PPM1L: variants seen among roughly 807,000 people sequenced by gnomAD.
PPM1L encodes the protein protein phosphatase 1L.
Under a neutral mutation model 31.4 loss-of-function variants are expected in PPM1L, and 13 were observed. The observed-to-expected ratio is 0.41, with a 90% confidence interval of 0.27 to 0.66. The LOEUF (loss-of-function observed/expected upper bound fraction) is 0.66, where lower values mean the gene tolerates loss of function less well. Among genes scored for constraint, PPM1L ranks in the 30% least tolerant of loss-of-function variants. The pLI is 0.29. For synonymous variants in PPM1L, 184 were observed against 175.4 expected (o/e 1.05, Z -0.39); for missense variants, 326 against 453.7 (o/e 0.72, Z 2.56).
At chr3:160,823,286 A>T (rs541297407) in intron 1 of PPM1L, among the ~76,000 whole-genome samples, 1 of 151,986 alleles carries the variant, frequency 6.6e-6, no homozygotes, top group African/African-American at 2.4e-5. Flanking sequence ...GTAGTGAGAG[A>T]ATTTTCAAAA....
chr3:161,062,535 T>G (rs1196798858), intron 2 of PPM1L, among the ~76,000 whole-genome samples: 1 of 152,210 alleles, frequency 6.6e-6, no homozygotes, highest in Non-Finnish European at 1.5e-5. Flanking sequence ...CTGCTCCCAA[T>G]TTGTCTATCT....
chr3:160,966,687 T>C (rs1181918458), intron 2 of PPM1L, among the ~76,000 whole-genome samples: 6 of 152,210 alleles, frequency 3.9e-5, no homozygotes, highest in Non-Finnish European at 8.8e-5. Context: ...GAGTTTAGAA[T>C]TGAAATGAGA....
At chr3:160,985,269 C>T (rs1716929020) in intron 2 of PPM1L, among the ~76,000 whole-genome samples, 1 of 152,188 alleles carries the variant, frequency 6.6e-6, no homozygotes, top group Admixed American at 6.5e-5. Context: ...GCAGTGTACA[C>T]TGTACCCAAT....
chr3:160,923,009 T>C (rs1714465546), intron 1 of PPM1L, among the ~76,000 whole-genome samples: 1 of 152,096 alleles, frequency 6.6e-6, no homozygotes, highest in African/African-American at 2.4e-5. Flanking sequence ...TTTTCTGGAG[T>C]GAAACTAATG....
At chr3:160,837,405 T>C (rs1264311462) in intron 1 of PPM1L, among the ~76,000 whole-genome samples, 1 of 152,232 alleles carries the variant, frequency 6.6e-6, no homozygotes, top group African/African-American at 2.4e-5. Flanking sequence ...TAAAGACAGA[T>C]AAATGAATTT....
At chr3:160,996,317 A>G (rs1333980397) in intron 2 of PPM1L, among the ~76,000 whole-genome samples, 1 of 152,210 alleles carries the variant, frequency 6.6e-6, no homozygotes, top group Non-Finnish European at 1.5e-5. Flanking sequence ...AGAAGTCATT[A>G]TACGAAAAAG....
At chr3:160,960,558 TTG>T (rs59297068) in intron 1 of PPM1L, among the ~76,000 whole-genome samples, 14,926 of 145,086 alleles carry the variant, frequency 0.1, 788 homozygotes, top group East Asian at 0.18. Context: ...TTTAGCAGTT[TTG>T]TGTGTGTGTG....
At chr3:160,757,869 A>G (rs1434031577) in intron 1 of PPM1L, among the ~76,000 whole-genome samples, 1 of 152,048 alleles carries the variant, frequency 6.6e-6, no homozygotes, top group Non-Finnish European at 1.5e-5. Context: ...AACTGCAGGG[A>G]CTGCCATTCT....
At chr3:160,836,590 T>C (rs1713723380) in intron 1 of PPM1L, among the ~76,000 whole-genome samples, 1 of 152,226 alleles carries the variant, frequency 6.6e-6, no homozygotes, top group Non-Finnish European at 1.5e-5. Context: ...AGTTACGTGA[T>C]TTACTCATGG....
chr3:160,945,747 G>A (rs147169444), intron 1 of PPM1L, among the ~76,000 whole-genome samples: 1 of 152,184 alleles, frequency 6.6e-6, no homozygotes, highest in East Asian at 1.9e-4. Context: ...TCAATCCTAA[G>A]ACAGCAAGAC....
intron 2 of PPM1L, among the ~76,000 whole-genome samples, chr3:161,049,009 A>G (rs1367273440): frequency 1.3e-5 from 2 of 151,968 alleles, no homozygotes; most frequent in Admixed American, 6.6e-5. Context: ...CAGCGCACCA[A>G]CATGGCACAT....
At chr3:160,859,703 T>C (rs1711829112) in intron 1 of PPM1L, among the ~76,000 whole-genome samples, 1 of 152,224 alleles carries the variant, frequency 6.6e-6, no homozygotes, top group East Asian at 1.9e-4. Flanking sequence ...CTGAATTGTG[T>C]ACACAAATGA....
rs1032147361 is a variant in PPM1L, at chr3:161,071,352, T to C, written c.*2195T>C. The C allele has an allele frequency of 6.6e-6, 1 of 152,350 alleles. No individual in the cohort carries two copies. The highest frequency in any genetic ancestry group is 2.1e-4 in the South Asian group (1 of 4,830). 9.4% of individuals were successfully genotyped at this position (152,350 alleles called of 1,614,324 possible). On this transcript the variant is annotated 3_prime_UTR_variant, in exon 4 of 4. Coordinates refer to ENST00000498165, the MANE Select transcript of PPM1L (RefSeq NM_139245.4). ...CATTTTTAAATTCCGGTTATTTTTA[T>C]TGTCTAAAATGAAAGCAACAGTGTT...
intron 1 of PPM1L, among the ~76,000 whole-genome samples, chr3:160,930,655 C>A (rs1216964027): frequency 2.0e-5 from 3 of 152,094 alleles, no homozygotes; most frequent in South Asian, 4.2e-4. Context: ...TCAAAGGAAC[C>A]ATCTCAAAAT....
intron 1 of PPM1L, among the ~76,000 whole-genome samples, chr3:160,808,494 C>G (rs1049851821): frequency 6.6e-6 from 1 of 151,744 alleles, no homozygotes; most frequent in Non-Finnish European, 1.5e-5. Context: ...ATAGTGGCAG[C>G]CTGAGGAGCC....
At chr3:160,933,350 A>ACAGTT (rs1456626223) in intron 1 of PPM1L, among the ~76,000 whole-genome samples, 2 of 152,132 alleles carry the variant, frequency 1.3e-5, no homozygotes, top group African/African-American at 4.8e-5. Flanking sequence ...TGAACTGTTC[A>ACAGTT]CAAAATTAAG....
intron 2 of PPM1L, among the ~76,000 whole-genome samples, chr3:161,038,936 G>A (rs1051646033): frequency 5.9e-5 from 9 of 152,116 alleles, no homozygotes; most frequent in African/African-American, 2.2e-4. Context: ...TAAAGGAGCT[G>A]GCCAAAACCA....
At chr3:160,843,423 CTTTTATATATAT>C (rs1422159779) in intron 1 of PPM1L, among the ~76,000 whole-genome samples, 14 of 28,550 alleles carry the variant, frequency 4.9e-4, no homozygotes, top group African/African-American at 1.8e-3. Context: ...TATGGCAATT[CTTTTATATATAT>C]ATATATATAT....
rs1170436461 is a variant in PPM1L at position 160,941,011 on chromosome 3, C to T, written c.400-20725C>T. ...CATGGGAACCCACCTCTTGCATCAG[C>T]GTGACCTGGATGTGAGACCTGGAGT... On this transcript the variant is annotated intron_variant, in intron 1 of 3. Transcript: ENST00000498165. Among the ~76,000 whole-genome samples the T allele has an allele frequency of 2.0e-5, 3 of 152,198 alleles. No individual in the cohort carries two copies. In the South Asian group the frequency reaches 6.2e-4, roughly 32 times the overall value.
Sources: allele counts gnomAD v4.1 joint callset (sites outside exome capture counted in the v4.1 genomes callset), GRCh38; gene constraint gnomAD v4.1.1; transcripts MANE v1.5; gene names NCBI Gene and HGNC (gene_info 2026-07-23, HGNC 2026-07-21).